GRIK2: variants seen among roughly 807,000 people sequenced by gnomAD.
GRIK2 encodes the protein glutamate receptor ionotropic, kainate 2.
GRIK2 carries 32 observed loss-of-function variants against 100.3 expected under a neutral mutation model. That is an observed-to-expected ratio of 0.32 (90% CI 0.24 to 0.43). The LOEUF is 0.43. GRIK2 is among the 20% of genes least tolerant of loss of function. The pLI is 1.00. For missense variants in GRIK2, 843 were observed against 1,114.9 expected (o/e 0.76, Z 3.47); for synonymous variants, 417 against 389.4 (o/e 1.07, Z -0.83).
At chr6:101,877,879 T>C (rs978436349) in intron 11 of GRIK2, among the ~76,000 whole-genome samples, 1 of 151,572 alleles carries the variant, frequency 6.6e-6, no homozygotes, top group African/African-American at 2.4e-5. Flanking sequence ...CTGTAACCTG[T>C]AGAATGACTT....
chr6:101,519,294 G>C (rs1372527440), intron 2 of GRIK2, among the ~76,000 whole-genome samples: 1 of 140,444 alleles, frequency 7.1e-6, no homozygotes, highest in African/African-American at 2.8e-5. Context: ...GCATTGCGGA[G>C]TTAAACGTGT....
intron 2 of GRIK2, among the ~76,000 whole-genome samples, chr6:101,453,392 A>G (rs766636562): frequency 1.3e-5 from 2 of 151,992 alleles, no homozygotes; most frequent in Non-Finnish European, 2.9e-5. Flanking sequence ...TGAGGGTATT[A>G]CACTACATTT....
chr6:101,413,379 G>A (rs1775971407), intron 2 of GRIK2, among the ~76,000 whole-genome samples: 2 of 152,144 alleles, frequency 1.3e-5, no homozygotes, highest in African/African-American at 2.4e-5. Context: ...GATGCTGAAA[G>A]TTTCCTATTA....
chr6:101,805,920 C>T (rs977187406), intron 9 of GRIK2, among the ~76,000 whole-genome samples: 1 of 152,014 alleles, frequency 6.6e-6, no homozygotes, highest in Admixed American at 6.6e-5. Flanking sequence ...GTGGGCCATG[C>T]TCAAGTGTCT....
Position 101,643,150 on chromosome 6 carries a change from A to C in GRIK2, c.541+16513A>C, listed in dbSNP as rs181590696. 2.7e-3 allele frequency among the ~76,000 whole-genome samples: 402 copies of C among 151,666 alleles called. 1 individual carries two copies. Among genetic ancestry groups the C allele is most frequent in the African/African-American group, 9.4e-3 (388 of 41,488 alleles). ...ACTGACTATCAGATATATTATTTGCAAATGTTTTCTTCTATTCCATGGGTT... is the reference window on the plus strand; with the variant it reads ...ACTGACTATCAGATATATTATTTGCCAATGTTTTCTTCTATTCCATGGGTT... On this transcript the variant is annotated intron_variant, in intron 4 of 16. Transcript: ENST00000369134.
At chr6:101,503,276 G>T (rs190322754) in intron 2 of GRIK2, among the ~76,000 whole-genome samples, 4 of 152,026 alleles carry the variant, frequency 2.6e-5, no homozygotes, top group Non-Finnish European at 2.9e-5. Flanking sequence ...GTGAGGAAAA[G>T]GTATAAATAA....
intron 12 of GRIK2, among the ~76,000 whole-genome samples, chr6:101,908,964 G>A (rs2518214): frequency 0.85 from 128,173 of 151,050 alleles, 54,506 homozygotes; most frequent in East Asian, 0.94. Flanking sequence ...AGTCAAAGGT[G>A]CAAGAGGACT....
At chr6:101,585,315 A>G (rs1038496459) in intron 2 of GRIK2, among the ~76,000 whole-genome samples, 2 of 152,112 alleles carry the variant, frequency 1.3e-5, no homozygotes, top group African/African-American at 2.4e-5. Flanking sequence ...TTATATACGT[A>G]TGTGAGTATG....
At chr6:102,049,449 A>T (rs2114484168) in intron 15 of GRIK2, among the ~76,000 whole-genome samples, 1 of 152,282 alleles carries the variant, frequency 6.6e-6, no homozygotes, top group Admixed American at 6.5e-5. Flanking sequence ...TTATGGGGAC[A>T]TTAATAAGCG....
At chr6:101,681,714 A>G (rs1771270735) in intron 5 of GRIK2, among the ~76,000 whole-genome samples, 1 of 152,170 alleles carries the variant, frequency 6.6e-6, no homozygotes, top group South Asian at 2.1e-4. Context: ...CAGCTACTTC[A>G]TAAATGAGTT....
In GRIK2 at chr6:101,743,054, C is replaced by T. The variant is rs1468913268; in HGVS notation, c.952-56594C>T. Among the ~76,000 whole-genome samples, 4 of 152,242 alleles carry T rather than the reference C, an allele frequency of 2.6e-5. No individual in the cohort carries two copies. In the South Asian group the frequency reaches 6.2e-4, roughly 24 times the overall value. ...CATAGTCAAGCTTCGTGGCTCTTTA[C>T]GGGAATCATGTTTACAAAATGGTAT... On this transcript the variant is annotated intron_variant, in intron 7 of 16. Coordinates refer to ENST00000369134, the MANE Select transcript of GRIK2 (RefSeq NM_021956.5).
chr6:101,879,353 G>GA (rs1297192426), intron 11 of GRIK2, among the ~76,000 whole-genome samples: 1 of 151,914 alleles, frequency 6.6e-6, no homozygotes, highest in African/African-American at 2.4e-5. Flanking sequence ...CATTTCTCTG[G>GA]ATATACCATT....
chr6:101,914,742 T>C (rs989360200), intron 12 of GRIK2, among the ~76,000 whole-genome samples: 12 of 151,626 alleles, frequency 7.9e-5, no homozygotes, highest in Admixed American at 1.3e-4. Flanking sequence ...GAGTGTATGA[T>C]ATCAGGTTTC....
intron 3 of GRIK2, among the ~76,000 whole-genome samples, chr6:101,625,188 A>G (rs1389780065): frequency 1.3e-5 from 2 of 151,986 alleles, no homozygotes; most frequent in African/African-American, 2.4e-5. Context: ...CCTGGCTAAC[A>G]TGGTGAAACC....
rs116792773 is a variant in GRIK2 at position 101,691,093 on chromosome 6, A to G, written c.951+4740A>G. Among the ~76,000 whole-genome samples the G allele has an allele frequency of 2.5e-3, 382 of 152,264 alleles. 7 individuals carry two copies. The highest frequency in any genetic ancestry group is 8.9e-3 in the African/African-American group (370 of 41,558). On this transcript the variant is annotated intron_variant, in intron 7 of 16. Transcript: ENST00000369134. ...GTGTAAAACAGGAGCTCATAATGAG[A>G]GAGTGACTGCCTGATTGAATAAATG...
rs576059971 is a variant in GRIK2 at position 101,709,052 on chromosome 6, C to T, written c.951+22699C>T. On this transcript the variant is annotated intron_variant, in intron 7 of 16. Transcript: ENST00000369134. ...TTTAAAATTTAAAAATAAATATTAA[C>T]GATAATTTAAAAATAATTTTTAAAA... 6.6e-5 allele frequency among the ~76,000 whole-genome samples: 10 copies of T among 151,550 alleles called. No individual in the cohort carries two copies. The East Asian group carries it at 1.4e-3, about 21-fold the overall frequency.
intron 4 of GRIK2, among the ~76,000 whole-genome samples, chr6:101,672,797 AG>A (rs1458159412): frequency 1.3e-5 from 2 of 152,166 alleles, no homozygotes; most frequent in African/African-American, 4.8e-5. Flanking sequence ...ATGGCTGTGT[AG>A]CATTCCATGG....
At chr6:101,804,710 A>G (rs999415923) in intron 9 of GRIK2, among the ~76,000 whole-genome samples, 10 of 152,000 alleles carry the variant, frequency 6.6e-5, no homozygotes, top group African/African-American at 2.2e-4. Flanking sequence ...GAAAAGACAG[A>G]TAAGGTACCG....
intron 2 of GRIK2, among the ~76,000 whole-genome samples, chr6:101,571,149 T>C (rs191794269): frequency 1.9e-3 from 289 of 152,206 alleles, no homozygotes; most frequent in African/African-American, 6.7e-3. Context: ...ATAAACAGTT[T>C]GCAAAAATGA....
Sources: allele counts gnomAD v4.1 joint callset (sites outside exome capture counted in the v4.1 genomes callset), GRCh38; gene constraint gnomAD v4.1.1; transcripts MANE v1.5; gene names NCBI Gene and HGNC (gene_info 2026-07-23, HGNC 2026-07-21).